Variants in TOM1 observed in about 807,000 individuals in gnomAD.
TOM1 encodes target of Myb protein 1.
TOM1 carries 38 observed loss-of-function variants against 61.3 expected under a neutral mutation model. That is an observed-to-expected ratio of 0.62 (90% CI 0.48 to 0.81). TOM1 has a LOEUF of 0.81. TOM1 is among the 40% of genes least tolerant of loss of function. The pLI is 0.00. For synonymous variants in TOM1, 270 were observed against 268.8 expected, an observed-to-expected ratio of 1.00 and a Z score of -0.04; for missense variants, 591 against 659.6, an observed-to-expected ratio of 0.90 and a Z score of 1.14.
chr22:35,316,013 A>G (rs930037163), intron 1 of TOM1, among the ~76,000 whole-genome samples: 7 of 152,264 alleles, frequency 4.6e-5, no homozygotes. Flanking sequence ...CTTGCAGGAC[A>G]GCGTGACATC....
intron 2 of TOM1, among the ~76,000 whole-genome samples, chr22:35,320,029 G>A (rs891802457): frequency 1.3e-5 from 2 of 152,210 alleles, no homozygotes; most frequent in African/African-American, 2.4e-5. Flanking sequence ...GCAGACAGCC[G>A]GATGGGTCCC....
chr22:35,325,775 G>T (rs1411944144), intron 6 of TOM1, among the ~76,000 whole-genome samples: 1 of 152,176 alleles, frequency 6.6e-6, no homozygotes, highest in Non-Finnish European at 1.5e-5. Flanking sequence ...TACTTCCAAT[G>T]CAAGAAGGTG....
At chr22:35,322,857 C>G (rs551908919) in intron 3 of TOM1, 171 bp from the exon 4 acceptor site, 2 of 803,090 alleles carry the variant, frequency 2.5e-6, no homozygotes, top group Non-Finnish European at 3.8e-6. Context: ...AAACAAGTCC[C>G]CCAGTCCTGG....
intron 1 of TOM1, among the ~76,000 whole-genome samples, chr22:35,313,265 T>A (rs541724771): frequency 6.6e-6 from 1 of 151,680 alleles, no homozygotes; most frequent in South Asian, 2.1e-4. Flanking sequence ...GAGAATCGCT[T>A]AAACCCGGGA....
chr22:35,326,717 G>T (rs781721807), intron 6 of TOM1, among the ~76,000 whole-genome samples: 24 of 152,082 alleles, frequency 1.6e-4, no homozygotes, highest in Admixed American at 3.3e-4. Context: ...TCTAGGAGGA[G>T]AGAGGGCGGG....
rs1270330514 is a variant in TOM1 at position 35,338,754 on chromosome 22, G to A, written c.1190G>A (p.Gly397Glu). The A allele has an allele frequency of 6.2e-7, 1 of 1,601,638 alleles. No homozygotes were observed. The highest frequency in any genetic ancestry group is 8.5e-7 in the Non-Finnish European group (1 of 1,174,994). ...EAPQATDGLA[G>E]ALDARQQSTG... ...CCCCAAGCAACAGACGGCCTGGCTGGAGCCCTGGACGCCCGGCAGCAGAGC... is the reference window on the plus strand; with the variant it reads ...CCCCAAGCAACAGACGGCCTGGCTGAAGCCCTGGACGCCCGGCAGCAGAGC... The change falls in exon 12 of 15, where the codon GGA (glycine) becomes GAA (glutamate). Residue 397 changes from glycine to glutamate, a missense_variant. Gly to Glu is a moderately conservative substitution (Grantham distance 98, BLOSUM62 -2). Transcript: ENST00000449058.
At chr22:35,332,448 T>A (rs549644957) in intron 8 of TOM1, among the ~76,000 whole-genome samples, 1 of 152,196 alleles carries the variant, frequency 6.6e-6, no homozygotes, top group Non-Finnish European at 1.5e-5. Flanking sequence ...CCCGAGGTCA[T>A]GTGATAAGTG....
At chr22:35,318,795 G>A (rs1312181984) in intron 2 of TOM1, among the ~76,000 whole-genome samples, 8 of 152,388 alleles carry the variant, frequency 5.2e-5, no homozygotes, top group Non-Finnish European at 1.0e-4. Context: ...GCTGCCAGAC[G>A]AGGCCTCCAT....
chr22:35,327,909 C>T (rs897110932), intron 7 of TOM1, among the ~76,000 whole-genome samples: 1 of 152,164 alleles, frequency 6.6e-6, no homozygotes, highest in Non-Finnish European at 1.5e-5. Context: ...CCCACGGCCC[C>T]AGCCCAGATT....
rs1266156751 is a variant in TOM1 at position 35,322,057 on chromosome 22, G to T, written c.216+20G>T. Reference sequence around the variant, plus strand: ...CTCACAGTGAGTGCCCCATCTGTCTGTCCTGTGGCAGGACTACGGTCCACT... The same window carrying T: ...CTCACAGTGAGTGCCCCATCTGTCTTTCCTGTGGCAGGACTACGGTCCACT... On this transcript the variant is annotated intron_variant, in intron 3 of 14. Coordinates refer to ENST00000449058, the MANE Select transcript of TOM1 (RefSeq NM_005488.3). The T allele has an allele frequency of 6.2e-7, 1 of 1,612,116 alleles. No homozygotes were observed. The highest frequency in any genetic ancestry group is 1.1e-5 in the South Asian group (1 of 91,038).
At chr22:35,345,151 G>T (rs2145735485) in intron 12 of TOM1, 1 of 157,134 alleles carries the variant, frequency 6.4e-6, no homozygotes, top group East Asian at 1.8e-4. Flanking sequence ...CCGCCCCTCT[G>T]GGTCTACCCA....
intron 3 of TOM1, 113 bp from the exon 4 acceptor site, chr22:35,322,915 A>G (rs765590148): frequency 1.8e-5 from 23 of 1,308,934 alleles, no homozygotes; most frequent in Non-Finnish European, 9.4e-6. Context: ...AGGAAGTCCC[A>G]TCTCCTCTCC....
intron 11 of TOM1, among the ~76,000 whole-genome samples, chr22:35,335,187 C>T (rs1236884156): frequency 6.6e-6 from 1 of 152,156 alleles, no homozygotes; most frequent in African/African-American, 2.4e-5. Context: ...CCACTGTGAC[C>T]CCCAGGGCTG....
intron 1 of TOM1, among the ~76,000 whole-genome samples, chr22:35,316,118 A>G (rs1228662199): frequency 6.6e-6 from 1 of 152,274 alleles, no homozygotes; most frequent in African/African-American, 2.4e-5. Flanking sequence ...CTGGCCCATC[A>G]GCCAGCAGGT....
At chr22:35,327,637 TA>T (rs1928458078) in intron 7 of TOM1, among the ~76,000 whole-genome samples, 1 of 152,218 alleles carries the variant, frequency 6.6e-6, no homozygotes, top group African/African-American at 2.4e-5. Flanking sequence ...GCTCTAACAA[TA>T]GCCTTCATGG....
chr22:35,337,884 C>A (rs142648744), intron 11 of TOM1, among the ~76,000 whole-genome samples: 1 of 152,246 alleles, frequency 6.6e-6, no homozygotes, highest in South Asian at 2.1e-4. Flanking sequence ...TCTTTCCCTG[C>A]AACAGGGCTG....
chr22:35,316,699 G>A (rs1352402877), intron 1 of TOM1, among the ~76,000 whole-genome samples: 1 of 152,190 alleles, frequency 6.6e-6, no homozygotes, highest in African/African-American at 2.4e-5. Context: ...GGTGGTGGTG[G>A]TTGTATTCAG....
At chr22:35,299,846 C>T, upstream of TOM1, 3 of 1,502,112 alleles carry the variant, frequency 2.0e-6, no homozygotes, top group Non-Finnish European at 2.7e-6. Flanking sequence ...CGCCGGCCTC[C>T]GAGTGCGTCA....
Sources: allele counts gnomAD v4.1 joint callset (sites outside exome capture counted in the v4.1 genomes callset), GRCh38; gene constraint gnomAD v4.1.1; transcripts MANE v1.5; gene names NCBI Gene and HGNC (gene_info 2026-07-23, HGNC 2026-07-21).